Variants in GPR173 observed in about 807,000 individuals in gnomAD.
The protein encoded by GPR173 is probable G protein-coupled receptor 173.
GPR173 carries 2 observed loss-of-function variants against 13.9 expected under a neutral mutation model. The observed-to-expected ratio is 0.14, with a 90% CI of 0.06 to 0.45. GPR173 has a LOEUF of 0.45. GPR173 is among the 20% of genes least tolerant of loss of function. GPR173 has a pLI of 0.98. For missense variants in GPR173, 202 were observed against 340.5 expected (o/e 0.59, Z 3.20); for synonymous variants, 131 against 141.0 (o/e 0.93, Z 0.50).
chrX:53,060,031 T>TATAC (rs1556803607), intron 1 of GPR173, among the ~76,000 whole-genome samples: 1 of 101,201 alleles, frequency 9.9e-6, no homozygotes, highest in Non-Finnish European at 2.0e-5. Flanking sequence ...TATATATATA[T>TATAC]ACACACACAC....
In GPR173 at chrX:53,077,879, C is replaced by A; in HGVS notation, c.*136C>A. The A allele has an allele frequency of 2.0e-6, 1 of 496,556 alleles. No individual in the cohort carries two copies. Among genetic ancestry groups the A allele is most frequent in the Non-Finnish European group, 3.4e-6 (1 of 292,575 alleles). 40.9% of individuals were successfully genotyped at this position (496,556 alleles called of 1,213,427 possible). On this transcript the variant is annotated 3_prime_UTR_variant, in exon 2 of 2. Transcript: ENST00000332582. ...CCCAGCCCCTCGAACCACCTGTAAT[C>A]TAGGCACCTTTGCCAACACCTCCCA... is the stretch of plus-strand genomic sequence containing the variant.
intron 1 of GPR173, among the ~76,000 whole-genome samples, chrX:53,058,381 C>A (rs1376324659): frequency 9.0e-6 from 1 of 110,792 alleles, no homozygotes; most frequent in Non-Finnish European, 1.9e-5. Flanking sequence ...CTATAAATGT[C>A]AAAAGGTTGG....
chrX:53,073,877 T>A (rs1358013785), intron 1 of GPR173, among the ~76,000 whole-genome samples: 1 of 14,441 alleles, frequency 6.9e-5, no homozygotes, highest in East Asian at 1.8e-3. Context: ...TTATATATAA[T>A]TATATATATA....
At chrX:53,052,376 G>A (rs59180338) in intron 1 of GPR173, among the ~76,000 whole-genome samples, 33,572 of 110,385 alleles carry the variant, frequency 0.3, 4,997 homozygotes, top group African/African-American at 0.59. Flanking sequence ...TGTCTGTGGC[G>A]TGCATGAGTA....
At chrX:53,060,576 G>A (rs781844527) in intron 1 of GPR173, among the ~76,000 whole-genome samples, 4 of 80,004 alleles carry the variant, frequency 5.0e-5, no homozygotes, top group African/African-American at 2.6e-4. Flanking sequence ...GCGAGACTCC[G>A]TCTCAAAAAA....
chrX:53,049,307 T>A lies in GPR173; in HGVS notation c.-275T>A, dbSNP rs1440164418. 1 of 112,203 alleles carries A rather than the reference T, an allele frequency of 8.9e-6. No individual in the cohort carries two copies. Among genetic ancestry groups the A allele is most frequent in the Non-Finnish European group, 1.9e-5 (1 of 53,203 alleles). The allele number at this position is 112,203 out of a possible 1,213,427, so 9.2% of individuals were successfully genotyped here. ...CCCAGTGCACCCCTCCGGTGCCTGCTTTCCCTGATGCCTGCGATTTAGACC... is the reference window on the plus strand; with the variant it reads ...CCCAGTGCACCCCTCCGGTGCCTGCATTCCCTGATGCCTGCGATTTAGACC... On this transcript the variant is annotated 5_prime_UTR_variant, in exon 1 of 2. Transcript: ENST00000332582.
chrX:53,075,964 T>C (rs1254372194), intron 1 of GPR173, among the ~76,000 whole-genome samples: 1 of 111,626 alleles, frequency 9.0e-6, no homozygotes, highest in African/African-American at 3.3e-5. Flanking sequence ...ATTTTTTTAC[T>C]GTGGGTGGCA....
intron 1 of GPR173, among the ~76,000 whole-genome samples, chrX:53,068,666 C>T (rs1053744014): frequency 1.8e-5 from 2 of 108,713 alleles, no homozygotes; most frequent in African/African-American, 6.7e-5. Context: ...CCTGTAGTCC[C>T]AGCTACTCTG....
chrX:53,070,138 G>A (rs184856757), intron 1 of GPR173, among the ~76,000 whole-genome samples: 4 of 111,668 alleles, frequency 3.6e-5, no homozygotes, highest in Non-Finnish European at 7.5e-5. Flanking sequence ...ATACAACTTT[G>A]TGTATATCTG....
chrX:53,072,393 G>GCTCTCT (rs111935395), intron 1 of GPR173, among the ~76,000 whole-genome samples: 1,992 of 90,024 alleles, frequency 0.022, 74 homozygotes, highest in African/African-American at 0.077. Flanking sequence ...TCTCTCTCTT[G>GCTCTCT]CTCTCTCTCT....
intron 1 of GPR173, among the ~76,000 whole-genome samples, chrX:53,074,806 T>A (rs1039081115): frequency 4.1e-5 from 4 of 97,794 alleles, no homozygotes; most frequent in Admixed American, 3.8e-4. Context: ...TATATATATA[T>A]AAATATATAG....
Position 53,051,493 on chromosome X carries a change from G to A in GPR173, c.-98+2009G>A, listed in dbSNP as rs188839759. Among the ~76,000 whole-genome samples the A allele has an allele frequency of 2.4e-3, 264 of 110,892 alleles. 2 individuals carry two copies. Among genetic ancestry groups the A allele is most frequent in the Non-Finnish European group, 3.9e-3 (204 of 52,919 alleles). ...GTGTGTGCATGTCTGTTCATGGGCA[G>A]TGTGGCTGTGTATGAACCTGTGTGT... is the stretch of plus-strand genomic sequence containing the variant. On this transcript the variant is annotated intron_variant, in intron 1 of 1. Transcript: ENST00000332582.
chrX:53,054,987 T>C (rs925626847), intron 1 of GPR173, among the ~76,000 whole-genome samples: 1 of 108,842 alleles, frequency 9.2e-6, no homozygotes, highest in Non-Finnish European at 1.9e-5. Flanking sequence ...TGGGCACATC[T>C]GGGTGAGGGT....
chrX:53,070,812 C>A (rs907343176), intron 1 of GPR173, among the ~76,000 whole-genome samples: 1 of 110,332 alleles, frequency 9.1e-6, no homozygotes, highest in Non-Finnish European at 1.9e-5. Flanking sequence ...AAAAGAAAAT[C>A]CATATTTTAT....
In GPR173 at chrX:53,079,292, G is replaced by T. The variant is rs781934366; in HGVS notation, c.*1549G>T. ...GGGGAAGCCTGACCCATACAGAATG[G>T]GGAGGGCACTCTAGGCAGGAGAGAC... is the stretch of plus-strand genomic sequence containing the variant. On this transcript the variant is annotated 3_prime_UTR_variant, in exon 2 of 2. Transcript: ENST00000332582. 1 of 122,098 alleles carries T rather than the reference G, an allele frequency of 8.2e-6. No individual in the cohort carries two copies. The highest frequency in any genetic ancestry group is 3.8e-4 in the South Asian group (1 of 2,625). The allele number at this position is 122,098 out of a possible 1,213,427, so 10.1% of individuals were successfully genotyped here.
In GPR173 at chrX:53,077,415, G is replaced by T. The variant is rs782635129; in HGVS notation, c.794G>T (p.Gly265Val). The T allele has an allele frequency of 7.5e-6, 9 of 1,206,165 alleles. No individual in the cohort carries two copies. Among genetic ancestry groups the T allele is most frequent in the Non-Finnish European group, 1.0e-5 (9 of 892,503 alleles). Residue 265 changes from glycine to valine, a missense_variant, in exon 2 of 2, where the codon GGG becomes GTG. Gly to Val is a moderately radical substitution (Grantham distance 109). This residue lies in a region of GPR173 where 76 missense variants were observed against 116.3 expected (regional missense o/e 0.65). Transcript: ENST00000332582. Reference sequence around the variant, plus strand: ...ACCCTGCTGGGTATCCGGCAGAATGGGCATGCAGCCAGCCGGCGGCTACTG... The same window carrying T: ...ACCCTGCTGGGTATCCGGCAGAATGTGCATGCAGCCAGCCGGCGGCTACTG... ...PPTLLGIRQN[G>V]HAASRRLLGM...
chrX:53,068,892 G>A (rs1258500441), intron 1 of GPR173, among the ~76,000 whole-genome samples: 1 of 106,746 alleles, frequency 9.4e-6, no homozygotes, highest in African/African-American at 3.4e-5. Flanking sequence ...GTTTGAGGCT[G>A]CAGTGAGCTA....
At chrX:53,075,645 C>G (rs1488097745) in intron 1 of GPR173, among the ~76,000 whole-genome samples, 2 of 109,576 alleles carry the variant, frequency 1.8e-5, no homozygotes, top group Non-Finnish European at 3.8e-5. Context: ...AAGTCCTCAT[C>G]GTGGCCCACA....
At chrX:53,067,554 G>A (rs782547744) in intron 1 of GPR173, among the ~76,000 whole-genome samples, 45 of 112,232 alleles carry the variant, frequency 4.0e-4, no homozygotes, top group African/African-American at 1.3e-3. Context: ...GGCGGGGCGC[G>A]GTGGCTCACG....
Sources: allele counts gnomAD v4.1 joint callset (sites outside exome capture counted in the v4.1 genomes callset), GRCh38; gene constraint gnomAD v4.1.1; regional missense constraint gnomAD v4.1.1; transcripts MANE v1.5; gene names NCBI Gene and HGNC (gene_info 2026-07-23, HGNC 2026-07-21).